The following SEC14L5 variants were observed in gnomAD, a reference collection of about 807,000 sequenced individuals.
SEC14L5 encodes SEC14-like protein 5.
In SEC14L5, 96 loss-of-function variants were observed where a neutral mutation model predicts 84.6. That is an observed-to-expected ratio of 1.13 (90% confidence interval 0.96 to 1.34). The LOEUF is 1.34. Among genes scored for constraint, SEC14L5 ranks in the 40% most tolerant of loss-of-function variants. The pLI is 0.00. For missense variants in SEC14L5, 1,224 were observed against 942.5 expected (o/e 1.30, Z -3.91); for synonymous variants, 546 against 383.4 (o/e 1.42, Z -4.95).
In SEC14L5 at chr16:5,003,704, T is replaced by G. The variant is rs1596640370; in HGVS notation, c.1302+131T>G. 6.3e-6 allele frequency: 4 copies of G among 636,414 alleles called. No individual in the cohort carries two copies. In the East Asian group the frequency reaches 1.1e-4, roughly 18 times the overall value. The allele number at this position is 636,414 out of a possible 1,614,324, so 39.4% of individuals were successfully genotyped here. On this transcript the variant is annotated intron_variant, in intron 11 of 15. Transcript: ENST00000251170. ...TAACTTTTTGGAGATGAAACTCACA[T>G]AGCATAAAGCTCACACTTTTTAAGT... is the stretch of plus-strand genomic sequence containing the variant.
Position 5,000,697 on chromosome 16 carries a change from C to G in SEC14L5, c.1013C>G (p.Thr338Ser). Residue 338 changes from threonine (T) to serine (S), a missense_variant, in exon 9 of 16, where the codon ACC becomes AGC. By Grantham distance (58) the Thr-to-Ser change is moderately conservative. Transcript: ENST00000251170. Reference protein sequence around the residue: ...LYILRLGQMDTKGLMKAVGEE... With the variant: ...LYILRLGQMDSKGLMKAVGEE... ...ATCCTCCGCCTGGGCCAGATGGACA[C>G]CAAAGGCTTGATGAAGGCCGTGGGG... 6.4e-7 allele frequency: 1 copy of G among 1,552,330 alleles called. No homozygotes were observed. The highest frequency in any genetic ancestry group is 8.7e-7 in the Non-Finnish European group (1 of 1,147,532).
chr16:5,000,930 A>C lies in SEC14L5; in HGVS notation c.1130+5A>C, dbSNP rs1249817869. 2 of 1,601,924 alleles carry C rather than the reference A, an allele frequency of 1.2e-6. No individual in the cohort carries two copies. Among genetic ancestry groups the C allele is most frequent in the East Asian group, 4.5e-5 (2 of 44,502 alleles). ...GCAGCTGGGCCGTCCCATCAGGCAA[A>C]CACCTGGGCTGGGCACAAATCCCCC... On this transcript the variant is annotated splice_donor_5th_base_variant and intron_variant, in intron 10 of 15. Coordinates refer to ENST00000251170, the MANE Select transcript of SEC14L5 (RefSeq NM_014692.2).
chr16:5,012,427 G>A (rs1377559699), intron 15 of SEC14L5, among the ~76,000 whole-genome samples: 1 of 152,198 alleles, frequency 6.6e-6, no homozygotes, highest in Non-Finnish European at 1.5e-5. Context: ...GAGAAAATCA[G>A]TTCAAAGGCT....
intron 2 of SEC14L5, among the ~76,000 whole-genome samples, chr16:4,962,792 C>G (rs1386522366): frequency 6.6e-6 from 1 of 151,652 alleles, no homozygotes; most frequent in East Asian, 1.9e-4. Flanking sequence ...ATCTTCCATA[C>G]AGTCCTTGTC....
chr16:5,011,176 C>T lies in SEC14L5; in HGVS notation c.1882C>T (p.Leu628Phe), dbSNP rs903268153. 4.5e-5 allele frequency: 72 copies of T among 1,613,634 alleles called. No individual in the cohort carries two copies. Among genetic ancestry groups the T allele is most frequent in the Non-Finnish European group, 6.0e-5 (71 of 1,179,792 alleles). ...CCCCCCCAGCAGCGTGGCCTGCAGCCTCCCGGGTGTGGACGATGTCCTGAC... is the reference window on the plus strand; with the variant it reads ...CCCCCCCAGCAGCGTGGCCTGCAGCTTCCCGGGTGTGGACGATGTCCTGAC... ...HSPPSSVACS[L>F]PGVDDVLTAL... The change falls in exon 15 of 16, where the codon CTC (leucine) becomes TTC (phenylalanine). Residue 628 changes from leucine to phenylalanine, a missense_variant. Physicochemically the swap from Leu to Phe is conservative, Grantham distance 22 (BLOSUM62 0). Coordinates refer to ENST00000251170, the MANE Select transcript of SEC14L5 (RefSeq NM_014692.2).
At chr16:4,959,657 A>G (rs1955094835) in intron 2 of SEC14L5, among the ~76,000 whole-genome samples, 1 of 152,162 alleles carries the variant, frequency 6.6e-6, no homozygotes, top group Non-Finnish European at 1.5e-5. Flanking sequence ...TAGAAAACAA[A>G]GGTATCAGGG....
Position 5,001,851 on chromosome 16 carries a change from C to T in SEC14L5, c.1130+926C>T, listed in dbSNP as rs114609277. On this transcript the variant is annotated intron_variant, in intron 10 of 15. Coordinates refer to ENST00000251170, the MANE Select transcript of SEC14L5 (RefSeq NM_014692.2). ...GCAGTGGTGCAATCACAGCTCACTG[C>T]GGCCTTGACCTGCTGGGCTCAAGCA... Among the ~76,000 whole-genome samples, 1,355 of 152,180 alleles carry T rather than the reference C, an allele frequency of 8.9e-3. 24 individuals are homozygous for T. Among genetic ancestry groups the T allele is most frequent in the African/African-American group, 0.031 (1,279 of 41,520 alleles).
At chr16:4,964,952 A>T (rs58454981) in intron 2 of SEC14L5, among the ~76,000 whole-genome samples, 24,315 of 151,194 alleles carry the variant, frequency 0.16, 3,344 homozygotes, top group East Asian at 0.52. Context: ...GCTGGTCTCG[A>T]ACTCCTGGCC....
intron 2 of SEC14L5, among the ~76,000 whole-genome samples, chr16:4,986,044 CA>C (rs1291687829): frequency 1.3e-5 from 2 of 151,748 alleles, no homozygotes; most frequent in Non-Finnish European, 2.9e-5. Context: ...AGCCATTTTC[CA>C]AAGGGGTTGT....
At chr16:5,013,522 G>C (rs1028120616) in intron 15 of SEC14L5, among the ~76,000 whole-genome samples, 1 of 145,616 alleles carries the variant, frequency 6.9e-6, no homozygotes, top group Non-Finnish European at 1.5e-5. Flanking sequence ...AAGTAGCTGG[G>C]ACTATAGGCA....
intron 2 of SEC14L5, among the ~76,000 whole-genome samples, chr16:4,981,815 T>G (rs1034817244): frequency 1.3e-5 from 2 of 152,188 alleles, no homozygotes; most frequent in African/African-American, 4.8e-5. Context: ...AGGAAGGGGC[T>G]TGCCTCGCTG....
rs376962684 is a variant in SEC14L5 at position 4,999,928 on chromosome 16, TCAAC to T, written c.971-722_971-719del. Among the ~76,000 whole-genome samples the T allele has an allele frequency of 1.5e-3, 229 of 150,096 alleles. 1 individual carries two copies. The highest frequency in any genetic ancestry group is 5.4e-3 in the African/African-American group (218 of 40,734). Reference sequence around the variant, plus strand: ...AGACTCTGTCTCAAAAACCAACAAATCAACCAACTAACAAACCAACAGACAAAAA... The same window carrying T: ...AGACTCTGTCTCAAAAACCAACAAATCAACTAACAAACCAACAGACAAAAA... On this transcript the variant is annotated intron_variant, in intron 8 of 15. Transcript: ENST00000251170.
intron 13 of SEC14L5, 146 bp from the exon 14 acceptor site, chr16:5,008,275 G>C: frequency 1.6e-6 from 1 of 634,576 alleles, no homozygotes; most frequent in Non-Finnish European, 2.8e-6. Flanking sequence ...GAAAACTGAG[G>C]AGAGGAGGGC....
At position 4,988,225 on chromosome 16, in the gene SEC14L5, C is replaced by T. The variant is rs763734902; in HGVS notation, c.290C>T (p.Ala97Val). ...NWKERTLLIE[A>V]HNETFANRVV... is the part of the protein sequence containing the mutation. ...AAGGAGAGGACGCTCCTCATCGAAG[C>T]GCACAATGAGACCTTCGCCAACCGC... Residue 97 changes from alanine (A) to valine (V), a missense_variant, in exon 4 of 16, where the codon GCG (alanine) becomes GTG (valine). Physicochemically the swap from Ala to Val is moderately conservative, Grantham distance 64. Transcript: ENST00000251170. 1.2e-6 allele frequency: 2 copies of T among 1,613,524 alleles called. No individual in the cohort carries two copies. Among genetic ancestry groups the T allele is most frequent in the Admixed American group, 1.7e-5 (1 of 59,998 alleles).
chr16:4,987,483 T>G, intron 2 of SEC14L5, 74 bp from the exon 3 acceptor site: 4 of 1,265,990 alleles, frequency 3.2e-6, no homozygotes, highest in Non-Finnish European at 4.3e-6. Context: ...ACACAGCAGA[T>G]AAGGAGGTCG....
intron 15 of SEC14L5, among the ~76,000 whole-genome samples, chr16:5,013,526 A>G (rs2972282): frequency 0.12 from 15,861 of 135,502 alleles, 1,169 homozygotes; most frequent in Non-Finnish European, 0.17. Flanking sequence ...AGCTGGGACT[A>G]TAGGCATGGG....
intron 2 of SEC14L5, among the ~76,000 whole-genome samples, chr16:4,979,824 C>T (rs1955398036): frequency 6.6e-6 from 1 of 152,188 alleles, no homozygotes; most frequent in African/African-American, 2.4e-5. Context: ...CCCTTCCCTG[C>T]ATCCCCTTCT....
chr16:5,010,898 C>G, intron 14 of SEC14L5, 197 bp from the exon 15 acceptor site: 1 of 580,442 alleles, frequency 1.7e-6, no homozygotes, highest in South Asian at 2.5e-5. Flanking sequence ...AGGCTCTGGT[C>G]CCAGGGATAT....
At chr16:5,003,708 A>G in intron 11 of SEC14L5, 135 bp downstream of exon 11, 2 of 628,092 alleles carry the variant, frequency 3.2e-6, no homozygotes, top group Non-Finnish European at 5.4e-6. Context: ...CTCACATAGC[A>G]TAAAGCTCAC....
Sources: allele counts gnomAD v4.1 joint callset (sites outside exome capture counted in the v4.1 genomes callset), GRCh38; gene constraint gnomAD v4.1.1; transcripts MANE v1.5; gene names NCBI Gene and HGNC (gene_info 2026-07-23, HGNC 2026-07-21).